Variants in AGMO observed in about 807,000 individuals in gnomAD.
AGMO encodes glyceryl-ether monooxygenase.
Under a neutral mutation model 60.2 loss-of-function variants are expected in AGMO, and 75 were observed. That is an observed-to-expected ratio of 1.25 (90% CI 1.03 to 1.51). AGMO has a LOEUF of 1.51. Ranked by LOEUF, AGMO falls within the 40% of genes most tolerant of loss-of-function variation. The pLI is 0.00. For missense variants in AGMO, 763 were observed against 525.5 expected (o/e 1.45, Z -4.42); for synonymous variants, 261 against 177.1 (o/e 1.47, Z -3.76).
intron 5 of AGMO, among the ~76,000 whole-genome samples, chr7:15,404,467 A>G (rs1453288191): frequency 2.0e-5 from 3 of 151,922 alleles, no homozygotes; most frequent in African/African-American, 2.4e-5. Context: ...TGTTATTTTT[A>G]AACAACACGG....
intron 6 of AGMO, 97 bp from the exon 7 acceptor site, chr7:15,391,002 G>A (rs988227673): frequency 1.4e-6 from 1 of 737,636 alleles, no homozygotes. Flanking sequence ...ATAAAATTCA[G>A]ATTTAAACAG....
chr7:15,322,456 AAAT>A (rs1781139190), intron 12 of AGMO, among the ~76,000 whole-genome samples: 8 of 78,518 alleles, frequency 1.0e-4, no homozygotes, highest in Middle Eastern at 7.2e-3. Flanking sequence ...ATATATATAT[AAAT>A]ATATATAAAT....
chr7:15,306,429 T>C (rs1229169627), intron 12 of AGMO: 8 of 443,288 alleles, frequency 1.8e-5, no homozygotes, highest in South Asian at 1.4e-4. Context: ...GGTAGAGAAC[T>C]GGATAATAGG....
chr7:15,416,980 C>G (rs1353737870), intron 5 of AGMO, among the ~76,000 whole-genome samples: 1 of 152,166 alleles, frequency 6.6e-6, no homozygotes, highest in Non-Finnish European at 1.5e-5. Context: ...CGCTCTCCAT[C>G]CTGAATTATT....
At chr7:15,275,647 G>C (rs1026978789) in intron 12 of AGMO, among the ~76,000 whole-genome samples, 2 of 152,044 alleles carry the variant, frequency 1.3e-5, no homozygotes, top group Admixed American at 6.6e-5. Flanking sequence ...GGGGTGTTAA[G>C]GTCCCCACTG....
chr7:15,458,770 T>C (rs1782059478), intron 3 of AGMO, among the ~76,000 whole-genome samples: 1 of 152,130 alleles, frequency 6.6e-6, no homozygotes. Context: ...ATTAGTGAAT[T>C]GCCTAAGACG....
chr7:15,489,056 T>C (rs1367571336), intron 3 of AGMO, among the ~76,000 whole-genome samples: 1 of 152,190 alleles, frequency 6.6e-6, no homozygotes, highest in Non-Finnish European at 1.5e-5. Flanking sequence ...ACAAATCATA[T>C]ACTATATCTT....
chr7:15,232,801 G>GCACA (rs71004371), intron 12 of AGMO, among the ~76,000 whole-genome samples: 2,910 of 147,096 alleles, frequency 0.02, 71 homozygotes, highest in African/African-American at 0.055. Context: ...ACACACACAC[G>GCACA]CACACACACA....
the AGMO span, among the ~76,000 whole-genome samples, chr7:15,131,818 C>A: frequency 6.6e-6 from 1 of 151,458 alleles, no homozygotes; most frequent in Non-Finnish European, 1.5e-5. Context: ...TCCTGGCACA[C>A]ATGGAAGCCA....
intron 12 of AGMO, among the ~76,000 whole-genome samples, chr7:15,230,788 C>T (rs1431549574): frequency 6.6e-6 from 1 of 152,118 alleles, no homozygotes; most frequent in African/African-American, 2.4e-5. Flanking sequence ...CTCCCCACCG[C>T]AGAATCCATG....
chr7:15,170,613 T>C, the AGMO span, among the ~76,000 whole-genome samples: 1 of 151,936 alleles, frequency 6.6e-6, no homozygotes, highest in African/African-American at 2.4e-5. Flanking sequence ...GTAAAGATAG[T>C]ATAGAGTATT....
At chr7:15,336,948 A>C (rs750698670) in intron 12 of AGMO, among the ~76,000 whole-genome samples, 32 of 152,208 alleles carry the variant, frequency 2.1e-4, no homozygotes, top group Non-Finnish European at 1.2e-4. Context: ...ATGAACTTCA[A>C]CATCTGAAAA....
intron 12 of AGMO, among the ~76,000 whole-genome samples, chr7:15,279,552 G>A (rs1783903482): frequency 6.6e-6 from 1 of 152,016 alleles, no homozygotes; most frequent in African/African-American, 2.4e-5. Context: ...TGGATTGGAG[G>A]CAATGTTAAC....
intron 3 of AGMO, among the ~76,000 whole-genome samples, chr7:15,442,102 C>T (rs769106755): frequency 3.9e-5 from 6 of 152,168 alleles, no homozygotes; most frequent in Non-Finnish European, 7.3e-5. Context: ...CCTGAAAGTG[C>T]CAGATTGAAT....
intron 3 of AGMO, among the ~76,000 whole-genome samples, chr7:15,442,944 A>C (rs6461174): frequency 0.46 from 69,928 of 151,980 alleles, 16,499 homozygotes; most frequent in Non-Finnish European, 0.52. Context: ...GGCCATCAAC[A>C]AGCAGAATGA....
chr7:15,398,145 A>G (rs1006372662), intron 5 of AGMO, among the ~76,000 whole-genome samples: 1 of 152,234 alleles, frequency 6.6e-6, no homozygotes, highest in Non-Finnish European at 1.5e-5. Context: ...GGTGGAGAGG[A>G]CTACACTGAC....
chr7:15,248,041 A>T (rs1280267883), intron 12 of AGMO, among the ~76,000 whole-genome samples: 1 of 151,026 alleles, frequency 6.6e-6, no homozygotes, highest in Non-Finnish European at 1.5e-5. Context: ...GCAGAATAAC[A>T]GAATGCTTCG....
intron 3 of AGMO, among the ~76,000 whole-genome samples, chr7:15,515,269 T>C (rs187560329): frequency 3.9e-4 from 59 of 152,350 alleles, no homozygotes; most frequent in African/African-American, 1.3e-3. Flanking sequence ...AGTAAAGACC[T>C]CCTTCCTAAT....
intron 12 of AGMO, among the ~76,000 whole-genome samples, chr7:15,237,222 T>G (rs1020643807): frequency 6.6e-6 from 1 of 152,090 alleles, no homozygotes; most frequent in Non-Finnish European, 1.5e-5. Flanking sequence ...ATCCAGTAAG[T>G]GTGCGTGGAG....
Sources: allele counts gnomAD v4.1 joint callset (sites outside exome capture counted in the v4.1 genomes callset), GRCh38; gene constraint gnomAD v4.1.1; transcripts MANE v1.5; gene names NCBI Gene and HGNC (gene_info 2026-07-23, HGNC 2026-07-21).